The following CHST6 variants were observed in gnomAD, a reference collection of about 807,000 sequenced individuals.
CHST6 encodes the protein carbohydrate sulfotransferase 6.
For missense variants in CHST6, 698 were observed against 586.2 expected (o/e 1.19, Z -1.97); for synonymous variants, 309 against 276.4 (o/e 1.12, Z -1.17).
intron 1 of CHST6, among the ~76,000 whole-genome samples, chr16:75,492,087 T>C (rs1841999728): frequency 6.6e-6 from 1 of 152,242 alleles, no homozygotes; most frequent in Non-Finnish European, 1.5e-5. Context: ...CAGATGCTGA[T>C]GGAGAAAACA....
rs1211334441 is a variant in CHST6 at position 75,478,678 on chromosome 16, G to A, written c.1151C>T (p.Thr384Ile). The change falls in exon 3 of 3, where the codon ACT becomes ATT. Residue 384 changes from threonine to isoleucine, a missense_variant. Coordinates refer to ENST00000332272, the MANE Select transcript of CHST6 (RefSeq NM_021615.5). The part of the protein sequence containing the change: ...LVLPRGLNGF[T>I]WASSTASHPR... ...GTGCGAGGCGGTGGATGATGCCCAAGTGAAGCCGTTCAGGCCTCGTGGCAG... is the reference window on the plus strand; with the variant it reads ...GTGCGAGGCGGTGGATGATGCCCAAATGAAGCCGTTCAGGCCTCGTGGCAG... The A allele has an allele frequency of 5.0e-6, 8 of 1,613,760 alleles. No individual in the cohort carries two copies. Among genetic ancestry groups the A allele is most frequent in the Admixed American group, 1.7e-5 (1 of 60,032 alleles).
At chr16:75,488,704 C>A (rs1240504662) in intron 1 of CHST6, among the ~76,000 whole-genome samples, 1 of 151,776 alleles carries the variant, frequency 6.6e-6, no homozygotes, top group Non-Finnish European at 1.5e-5. Context: ...ATAAAACAGG[C>A]CAGGTGCGGT....
intron 1 of CHST6, among the ~76,000 whole-genome samples, chr16:75,487,310 C>T (rs2080208955): frequency 6.6e-6 from 1 of 152,166 alleles, no homozygotes; most frequent in Non-Finnish European, 1.5e-5. Flanking sequence ...TGAGCTGGAG[C>T]CCAGGAGTCC....
At chr16:75,480,283 G>T (rs1472108579) in intron 2 of CHST6, among the ~76,000 whole-genome samples, 1 of 152,146 alleles carries the variant, frequency 6.6e-6, no homozygotes, top group Non-Finnish European at 1.5e-5. Flanking sequence ...GCACGGCCAG[G>T]CTCCCTGAGG....
At chr16:75,492,799 A>G (rs571165727) in intron 1 of CHST6, among the ~76,000 whole-genome samples, 17 of 152,288 alleles carry the variant, frequency 1.1e-4, no homozygotes, top group African/African-American at 4.1e-4. Flanking sequence ...CAGTGAGCTG[A>G]GATCACGCCA....
chr16:75,483,050 TG>T (rs1464448755), intron 1 of CHST6, among the ~76,000 whole-genome samples: 1 of 152,220 alleles, frequency 6.6e-6, no homozygotes, highest in African/African-American at 2.4e-5. Context: ...TGATCACAAG[TG>T]CTAGGTGCTT....
In CHST6 at chr16:75,472,474, T is replaced by C. The variant is rs554934973; in HGVS notation, c.*6167A>G. On this transcript the variant is annotated 3_prime_UTR_variant, in exon 3 of 3. Coordinates refer to ENST00000332272, the MANE Select transcript of CHST6 (RefSeq NM_021615.5). ...CTTGAACAATGAAAAAGGAATACAG[T>C]TGAGTCATAAGCATGAAAAGATGTT... 1.3e-4 allele frequency: 20 copies of C among 152,256 alleles called. No individual in the cohort carries two copies. Among genetic ancestry groups the C allele is most frequent in the African/African-American group, 4.8e-4 (20 of 41,542 alleles). The allele number at this position is 152,256 out of a possible 1,614,324, so 9.4% of individuals were successfully genotyped here. A position where few individuals can be genotyped will look rare whatever the true frequency, so the allele number is the denominator to read the frequency against.
chr16:75,493,340 C>G (rs1046764715), intron 1 of CHST6, among the ~76,000 whole-genome samples: 1 of 151,906 alleles, frequency 6.6e-6, no homozygotes, highest in African/African-American at 2.4e-5. Flanking sequence ...GAAACCCCAT[C>G]TTTACTAAAA....
In CHST6 at chr16:75,479,788, AGCGCGGTCACTGCTGTGCTGGAGAC is replaced by A. The variant is rs1311293653; in HGVS notation, c.16_40del (p.Val6SerfsTer56). 1 of 1,584,276 alleles carries A rather than the reference AGCGCGGTCACTGCTGTGCTGGAGAC, an allele frequency of 6.3e-7. No individual in the cohort carries two copies. The highest frequency in any genetic ancestry group is 1.1e-5 in the South Asian group (1 of 87,542). Reference sequence around the variant, plus strand: ...GAGGAGGAAGGTCTGCGCCAGGAGGAGCGCGGTCACTGCTGTGCTGGAGACGCGCGGCAGCCACATGCTGACTGCT... The same window carrying A: ...GAGGAGGAAGGTCTGCGCCAGGAGGAGCGCGGCAGCCACATGCTGACTGCT... On this transcript the variant is annotated frameshift_variant, in exon 3 of 3. Transcript: ENST00000332272. LOFTEE classifies it low-confidence loss of function (END_TRUNC).
Position 75,478,610 on chromosome 16 carries a change from G to A in CHST6, c.*31C>T. The A allele has an allele frequency of 1.2e-6, 2 of 1,608,710 alleles. No individual in the cohort carries two copies. Among genetic ancestry groups the A allele is most frequent in the Non-Finnish European group, 1.7e-6 (2 of 1,175,778 alleles). On this transcript the variant is annotated 3_prime_UTR_variant, in exon 3 of 3. Transcript: ENST00000332272. ...CTCTGCACCATGCACTCTCCTCCCG[G>A]GCCTAGCGCCTGCTACAACTGTGGC...
chr16:75,491,182 AAAAAAAAAAT>A (rs2080250072), intron 1 of CHST6, among the ~76,000 whole-genome samples: 2 of 80,436 alleles, frequency 2.5e-5, no homozygotes, highest in African/African-American at 4.9e-5. Context: ...AAAAAAAAAA[AAAAAAAAAAT>A]ATATATATAT....
At chr16:75,485,895 C>G (rs974011299) in intron 1 of CHST6, among the ~76,000 whole-genome samples, 1 of 152,166 alleles carries the variant, frequency 6.6e-6, no homozygotes, top group South Asian at 2.1e-4. Context: ...ATCCTTATCT[C>G]CTGGATTCCA....
At chr16:75,480,502 G>A (rs1260872740) in intron 2 of CHST6, among the ~76,000 whole-genome samples, 2 of 151,844 alleles carry the variant, frequency 1.3e-5, no homozygotes, top group African/African-American at 4.8e-5. Flanking sequence ...GGATGGACAG[G>A]AGAGACATGT....
intron 1 of CHST6, among the ~76,000 whole-genome samples, chr16:75,482,255 G>A (rs1195189193): frequency 6.6e-6 from 1 of 152,150 alleles, no homozygotes; most frequent in Admixed American, 6.5e-5. Flanking sequence ...TGGACCTTAA[G>A]AATGTCACAT....
chr16:75,492,073 G>A (rs949523034), intron 1 of CHST6, among the ~76,000 whole-genome samples: 1 of 152,216 alleles, frequency 6.6e-6, no homozygotes, highest in African/African-American at 2.4e-5. Flanking sequence ...GGGACTGCAA[G>A]GCCCAGATGC....
chr16:75,482,867 A>G (rs115923652), intron 1 of CHST6, among the ~76,000 whole-genome samples: 2,745 of 152,236 alleles, frequency 0.018, 82 homozygotes, highest in African/African-American at 0.058. Context: ...CAGCTCTGTC[A>G]CCAGCCGACT....
rs552215613 is a variant in CHST6 at position 75,473,314 on chromosome 16, C to A, written c.*5327G>T. The A allele has an allele frequency of 6.6e-6, 1 of 152,404 alleles. No homozygotes were observed. Among genetic ancestry groups the A allele is most frequent in the South Asian group, 2.1e-4 (1 of 4,820 alleles). The allele number at this position is 152,404 out of a possible 1,614,324, so 9.4% of individuals were successfully genotyped here. On this transcript the variant is annotated 3_prime_UTR_variant, in exon 3 of 3. Coordinates refer to ENST00000332272, the MANE Select transcript of CHST6 (RefSeq NM_021615.5). Reference sequence around the variant, plus strand: ...CAGTAGAAGGTAGCCGAAGTGGCTGCGTGCGGATCAGCTGGAGCTGGCTGG... The same window carrying A: ...CAGTAGAAGGTAGCCGAAGTGGCTGAGTGCGGATCAGCTGGAGCTGGCTGG...
chr16:75,492,841 T>G (rs995558311), intron 1 of CHST6, among the ~76,000 whole-genome samples: 6 of 151,922 alleles, frequency 3.9e-5, no homozygotes, highest in African/African-American at 1.5e-4. Context: ...AGAGAGAGAC[T>G]CCATCTCAAA....
intron 1 of CHST6, among the ~76,000 whole-genome samples, chr16:75,494,569 T>TC (rs1459400155): frequency 6.6e-6 from 1 of 152,180 alleles, no homozygotes; most frequent in Non-Finnish European, 1.5e-5. Flanking sequence ...GACGCAGGAC[T>TC]CCAATTCCCC....
Sources: allele counts gnomAD v4.1 joint callset (sites outside exome capture counted in the v4.1 genomes callset), GRCh38; gene constraint gnomAD v4.1.1; transcripts MANE v1.5; gene names NCBI Gene and HGNC (gene_info 2026-07-23, HGNC 2026-07-21).